Variants in NCOA2 observed in about 807,000 individuals in gnomAD.
NCOA2 encodes class E basic helix-loop-helix protein 75.
A neutral mutation model predicts 145.1 loss-of-function variants in NCOA2; 21 were observed. The observed-to-expected ratio is 0.14, with a 90% CI of 0.10 to 0.21. The LOEUF (loss-of-function observed/expected upper bound fraction) is 0.21. Ranked by LOEUF, NCOA2 falls within the 10% of genes least tolerant of loss-of-function variation. The pLI is 1.00. For synonymous variants in NCOA2, 619 were observed against 637.5 expected, an observed-to-expected ratio of 0.97 and a Z score of 0.44; for missense variants, 1,472 against 1,837.6, an observed-to-expected ratio of 0.80 and a Z score of 3.64.
intron 11 of NCOA2, 26 bp downstream of exon 11, chr8:70,155,945 C>T (rs973223849): frequency 6.5e-7 from 1 of 1,529,436 alleles, no homozygotes; most frequent in Non-Finnish European, 8.8e-7. Context: ...ATTAGTACAC[C>T]TGCGAGAAGA....
intron 2 of NCOA2, among the ~76,000 whole-genome samples, chr8:70,218,875 G>GT (rs1303622779): frequency 6.6e-6 from 1 of 152,030 alleles, no homozygotes; most frequent in Non-Finnish European, 1.5e-5. Context: ...TAGGTGACAA[G>GT]TTTTTTTGTT....
chr8:70,342,140 C>A (rs1476741107), intron 1 of NCOA2, among the ~76,000 whole-genome samples: 3 of 152,142 alleles, frequency 2.0e-5, no homozygotes, highest in African/African-American at 7.2e-5. Flanking sequence ...ATTATTCAGC[C>A]AACCAACCAC....
At chr8:70,181,034 T>C (rs1815417640) in intron 4 of NCOA2, among the ~76,000 whole-genome samples, 1 of 152,260 alleles carries the variant, frequency 6.6e-6, no homozygotes, top group African/African-American at 2.4e-5. Context: ...TGAAGTATCA[T>C]TTATTAATTT....
chr8:70,190,785 G>C (rs1351689096), intron 4 of NCOA2, among the ~76,000 whole-genome samples: 1 of 152,200 alleles, frequency 6.6e-6, no homozygotes, highest in Non-Finnish European at 1.5e-5. Context: ...GAACCCAGGA[G>C]GCAGAGGTTG....
intron 2 of NCOA2, among the ~76,000 whole-genome samples, chr8:70,262,284 C>G (rs1824202747): frequency 6.6e-6 from 1 of 152,158 alleles, no homozygotes; most frequent in Non-Finnish European, 1.5e-5. Flanking sequence ...CAGAGTCTCA[C>G]TTGGTTCTTT....
chr8:70,262,378 C>G (rs1256005122), intron 2 of NCOA2, among the ~76,000 whole-genome samples: 1 of 152,152 alleles, frequency 6.6e-6, no homozygotes, highest in African/African-American at 2.4e-5. Flanking sequence ...ATGTCCAGTC[C>G]TCTGGTCCTA....
intron 4 of NCOA2, among the ~76,000 whole-genome samples, chr8:70,180,877 C>A (rs1815401186): frequency 6.6e-6 from 1 of 152,112 alleles, no homozygotes. Context: ...CAGCTCCATG[C>A]ATAAACTGAA....
At position 70,113,426 on chromosome 8, in the gene NCOA2, G is replaced by A. The variant is rs1197324122; in HGVS notation, c.*206C>T. 8.3e-6 allele frequency: 5 copies of A among 601,722 alleles called. No homozygotes were observed. The highest frequency in any genetic ancestry group is 2.0e-5 in the South Asian group (1 of 49,862). The allele number at this position is 601,722 out of a possible 1,614,324, so 37.3% of individuals were successfully genotyped here. Reference sequence around the variant, plus strand: ...ACAGACTGAGCGACTGTCTGGATGCGAGCTTCAGACTGTCAAGAGAAGAGG... The same window carrying A: ...ACAGACTGAGCGACTGTCTGGATGCAAGCTTCAGACTGTCAAGAGAAGAGG... On this transcript the variant is annotated 3_prime_UTR_variant, in exon 23 of 23. Transcript: ENST00000452400.
intron 2 of NCOA2, among the ~76,000 whole-genome samples, chr8:70,285,588 C>T (rs540910333): frequency 6.6e-6 from 1 of 152,358 alleles, no homozygotes; most frequent in Non-Finnish European, 1.5e-5. Context: ...GCACTCTATG[C>T]CTACTACATT....
intron 2 of NCOA2, among the ~76,000 whole-genome samples, chr8:70,277,947 T>G (rs941212383): frequency 3.3e-5 from 5 of 152,192 alleles, no homozygotes; most frequent in African/African-American, 9.7e-5. Context: ...TTAAATAAAA[T>G]GTACAATAGT....
rs527716512 is a variant in NCOA2, at chr8:70,330,999, C to T, written c.-76-34199G>A. ...ATTAGCTAATTCATTTTAAAGCCTC[C>T]CGTACTCCCACTTACTTAAGAACAG... On this transcript the variant is annotated intron_variant, in intron 1 of 22. Coordinates refer to ENST00000452400, the MANE Select transcript of NCOA2 (RefSeq NM_006540.4). Among the ~76,000 whole-genome samples the T allele has an allele frequency of 2.6e-5, 4 of 151,736 alleles. No homozygotes were observed. The East Asian group carries it at 7.9e-4, about 30-fold the overall frequency.
At chr8:70,443,955 G>A in the NCOA2 span, among the ~76,000 whole-genome samples, 1 of 151,992 alleles carries the variant, frequency 6.6e-6, no homozygotes, top group African/African-American at 2.4e-5. Context: ...ATAGAACTAA[G>A]CATGCACACA....
intron 12 of NCOA2, among the ~76,000 whole-genome samples, 190 bp downstream of exon 12, chr8:70,148,083 A>C (rs536279675): frequency 2.6e-5 from 4 of 152,308 alleles, no homozygotes; most frequent in Non-Finnish European, 4.4e-5. Flanking sequence ...CCACAAGAGA[A>C]TGTGAGAGAA....
chr8:70,214,180 C>A, intron 3 of NCOA2, 105 bp from the exon 4 acceptor site: 3 of 1,036,954 alleles, frequency 2.9e-6, no homozygotes, highest in African/African-American at 1.6e-5. Flanking sequence ...ACAAAAGCTA[C>A]CTATATAAAC....
chr8:70,344,939 G>A (rs2136547070), intron 1 of NCOA2, among the ~76,000 whole-genome samples: 1 of 152,274 alleles, frequency 6.6e-6, no homozygotes, highest in South Asian at 2.1e-4. Context: ...AAGTGTTGAC[G>A]CCCAAACTGC....
chr8:70,267,543 A>T (rs949042879), intron 2 of NCOA2, among the ~76,000 whole-genome samples: 1 of 151,988 alleles, frequency 6.6e-6, no homozygotes, highest in Non-Finnish European at 1.5e-5. Context: ...GACTACTGGC[A>T]TACGTCACCA....
At chr8:70,259,345 G>A in intron 2 of NCOA2, among the ~76,000 whole-genome samples, 1 of 152,248 alleles carries the variant, frequency 6.6e-6, no homozygotes, top group African/African-American at 2.4e-5. Context: ...GGTTATTACT[G>A]TCTATGTACT....
intron 1 of NCOA2, among the ~76,000 whole-genome samples, chr8:70,378,743 TAAA>T (rs10672044): frequency 1.5e-4 from 17 of 109,860 alleles, no homozygotes; most frequent in Admixed American, 1.1e-3. Flanking sequence ...TAGGCTATGC[TAAA>T]AAAAAAAAAA....
intron 2 of NCOA2, among the ~76,000 whole-genome samples, chr8:70,278,549 T>C (rs1448111336): frequency 1.3e-5 from 2 of 152,114 alleles, no homozygotes; most frequent in Non-Finnish European, 1.5e-5. Flanking sequence ...CTTATCTTCA[T>C]CCCCTCTGCC....
Sources: allele counts gnomAD v4.1 joint callset (sites outside exome capture counted in the v4.1 genomes callset), GRCh38; gene constraint gnomAD v4.1.1; transcripts MANE v1.5; gene names NCBI Gene and HGNC (gene_info 2026-07-23, HGNC 2026-07-21).